The following LRPPRC variants were observed in gnomAD, a reference collection of about 807,000 sequenced individuals.
LRPPRC encodes leucine-rich PPR motif-containing protein, mitochondrial.
A neutral mutation model predicts 180.3 loss-of-function variants in LRPPRC; 120 were observed. The ratio of observed to expected loss-of-function variants is 0.67; its 90% CI spans 0.57 to 0.77. The LOEUF (loss-of-function observed/expected upper bound fraction) is 0.77. Among genes scored for constraint, LRPPRC ranks in the 30% least tolerant of loss-of-function variants. The pLI is 0.00. For synonymous variants in LRPPRC, 723 were observed against 600.0 expected, an observed-to-expected ratio of 1.21 and a Z score of -3.00; for missense variants, 2,012 against 1,657.2, an observed-to-expected ratio of 1.21 and a Z score of -3.72.
intron 2 of LRPPRC, 51 bp from the exon 3 acceptor site, chr2:43,979,999 T>C (rs779985804): frequency 2.9e-5 from 45 of 1,552,854 alleles, no homozygotes; most frequent in Non-Finnish European, 3.6e-5. Context: ...CAATATCACA[T>C]AGATAAATAT....
intron 27 of LRPPRC, among the ~76,000 whole-genome samples, chr2:43,921,018 G>A (rs1255480976): frequency 6.6e-6 from 1 of 152,092 alleles, no homozygotes; most frequent in African/African-American, 2.4e-5. Context: ...GTGGGCAGGT[G>A]CAGTGGCTCG....
intron 36 of LRPPRC, among the ~76,000 whole-genome samples, chr2:43,891,390 A>G (rs1169388130): frequency 6.6e-6 from 1 of 152,160 alleles, no homozygotes; most frequent in Non-Finnish European, 1.5e-5. Flanking sequence ...GTTTATGGTA[A>G]CCCTGCCTTG....
At chr2:43,957,502 A>T (rs1175707775) in intron 13 of LRPPRC, 51 bp from the exon 14 acceptor site, 1 of 1,290,468 alleles carries the variant, frequency 7.7e-7, no homozygotes, top group African/African-American at 1.5e-5. Context: ...AAATTTAAAA[A>T]CCCTGTATTA....
rs181242544 is a variant in LRPPRC, at chr2:43,995,983, C to T, written c.-36G>A. 127 of 1,523,044 alleles carry T rather than the reference C, an allele frequency of 8.3e-5. No individual in the cohort carries two copies. The African/African-American group carries it at 1.5e-3, about 18-fold the overall frequency. The allele number at this position is 1,523,044 out of a possible 1,614,324, so 94.3% of individuals were successfully genotyped here. ...TCCCCGCAGCGGGAAGCACGCTCCGCCAGAAGGACAGGAGGAGCATGTGAC... is the reference window on the plus strand; with the variant it reads ...TCCCCGCAGCGGGAAGCACGCTCCGTCAGAAGGACAGGAGGAGCATGTGAC... On this transcript the variant is annotated 5_prime_UTR_variant, in exon 1 of 38. Coordinates refer to ENST00000260665, the MANE Select transcript of LRPPRC (RefSeq NM_133259.4).
intron 27 of LRPPRC, among the ~76,000 whole-genome samples, chr2:43,921,210 TG>T (rs1472698621): frequency 1.6e-4 from 24 of 152,182 alleles, no homozygotes; most frequent in Non-Finnish European, 3.1e-4. Flanking sequence ...GAGAATCGCT[TG>T]AACTTGGGAG....
At chr2:43,906,868 G>T (rs992352999) in intron 30 of LRPPRC, among the ~76,000 whole-genome samples, 1 of 151,970 alleles carries the variant, frequency 6.6e-6, no homozygotes, top group African/African-American at 2.4e-5. Flanking sequence ...TTATTCCTCC[G>T]ACCAATCCTC....
chr2:43,934,787 C>T lies in LRPPRC; in HGVS notation c.2596G>A (p.Val866Ile), dbSNP rs757314151. The change falls in exon 24 of 38, where the codon GTA becomes ATA. Residue 866 changes from valine to isoleucine, a missense_variant. Physicochemically the swap from Val to Ile is conservative, Grantham distance 29 (BLOSUM62 3). Transcript: ENST00000260665. ...PRIHDVLCKL[V>I]EKGETDLIQK... is the part of the protein sequence containing the mutation. Reference sequence around the variant, plus strand: ...ATTAGATCAGTCTCGCCTTTCTCTACCAGTTTACACAAGACATCATGAATC... The same window carrying T: ...ATTAGATCAGTCTCGCCTTTCTCTATCAGTTTACACAAGACATCATGAATC... 7 of 1,612,268 alleles carry T rather than the reference C, an allele frequency of 4.3e-6. No homozygotes were observed. The highest frequency in any genetic ancestry group is 1.3e-5 in the African/African-American group (1 of 74,898).
Position 43,948,380 on chromosome 2 carries a change from C to A in LRPPRC, c.1842+32G>T, listed in dbSNP as rs755863857. On this transcript the variant is annotated intron_variant, in intron 17 of 37. Coordinates refer to ENST00000260665, the MANE Select transcript of LRPPRC (RefSeq NM_133259.4). ...TCTAATAGATACATGTCAGGCAGGA[C>A]AGGCATTATATAGCAAAAAACGAAA... The A allele has an allele frequency of 4.7e-6, 6 of 1,281,936 alleles. No homozygotes were observed. The South Asian group carries it at 7.1e-5, about 15-fold the overall frequency. The allele number at this position is 1,281,936 out of a possible 1,614,324, so 79.4% of individuals were successfully genotyped here.
intron 14 of LRPPRC, among the ~76,000 whole-genome samples, chr2:43,953,890 G>C (rs1672999815): frequency 6.6e-6 from 1 of 152,056 alleles, no homozygotes; most frequent in African/African-American, 2.4e-5. Flanking sequence ...CTCAATAATG[G>C]CCAGGCCGGT....
intron 32 of LRPPRC, among the ~76,000 whole-genome samples, chr2:43,900,919 C>T (rs774773951): frequency 4.6e-5 from 7 of 152,160 alleles, no homozygotes; most frequent in Admixed American, 6.5e-5. Flanking sequence ...AATATGAATA[C>T]GGAAATGCAC....
In LRPPRC at chr2:43,948,173, GTAGA is replaced by G. The variant is rs752914914; in HGVS notation, c.1865_1868del (p.Ile622ThrfsTer16). On this transcript the variant is annotated frameshift_variant, in exon 18 of 38. Transcript: ENST00000260665. LOFTEE classifies it high-confidence loss of function. Reference sequence around the variant, plus strand: ...TTTCCAGGAGATTACGAATGCCTCTGTAGATATTTTCAGGAATTTTTACATTCTG... The same window carrying G: ...TTTCCAGGAGATTACGAATGCCTCTGTATTTTCAGGAATTTTTACATTCTG... 6 of 1,606,388 alleles carry G rather than the reference GTAGA, an allele frequency of 3.7e-6. No homozygotes were observed. In the South Asian group the frequency reaches 6.6e-5, roughly 18 times the overall value.
intron 5 of LRPPRC, 53 bp downstream of exon 5, chr2:43,976,941 A>G: frequency 7.0e-7 from 1 of 1,438,810 alleles, no homozygotes; most frequent in Non-Finnish European, 9.8e-7. Context: ...CAGACATTAG[A>G]TTTACAAAAT....
At position 43,899,239 on chromosome 2, in the gene LRPPRC, C is replaced by G. The variant is rs1432440553; in HGVS notation, c.3805G>C (p.Asp1269His). 6.2e-7 allele frequency: 1 copy of G among 1,613,802 alleles called. No individual in the cohort carries two copies. The highest frequency in any genetic ancestry group is 1.3e-5 in the African/African-American group (1 of 74,908). The change falls in exon 34 of 38, where the codon GAT becomes CAT. Residue 1269 changes from aspartate to histidine, a missense_variant. Transcript: ENST00000260665. ...ATTACCTGTAGGAGAGCTCTGGCATCATCCACCTTGCCTGCATCCACAAGT... is the reference window on the plus strand; with the variant it reads ...ATTACCTGTAGGAGAGCTCTGGCATGATCCACCTTGCCTGCATCCACAAGT... ...LQLVDAGKVD[D>H]ARALLQRCGA... is the part of the protein sequence containing the mutation.
At chr2:43,949,401 C>G (rs1320576234) in intron 16 of LRPPRC, among the ~76,000 whole-genome samples, 1 of 152,104 alleles carries the variant, frequency 6.6e-6, no homozygotes, top group Admixed American at 6.5e-5. Flanking sequence ...CCTCCCAACC[C>G]TGTCTTTAGA....
rs535017522 is a variant in LRPPRC, at chr2:43,902,586, A to G, written c.3365-1062T>C. The stretch of plus-strand genomic sequence containing the variant: ...TGAATAAAGAATTTATGATTATTTG[A>G]AATCTACAATCTTAAACCACTCATT... On this transcript the variant is annotated intron_variant, in intron 31 of 37. Transcript: ENST00000260665. 5.9e-5 allele frequency: 9 copies of G among 152,326 alleles called. No individual in the cohort carries two copies. In the East Asian group the frequency reaches 1.5e-3, roughly 26 times the overall value. The allele number at this position is 152,326 out of a possible 1,614,324, so 9.4% of individuals were successfully genotyped here.
intron 14 of LRPPRC, among the ~76,000 whole-genome samples, chr2:43,955,450 C>T (rs1051817196): frequency 1.6e-5 from 2 of 128,186 alleles, no homozygotes; most frequent in Non-Finnish European, 3.2e-5. Flanking sequence ...GCCTGGGTGA[C>T]AGAGCAAGAC....
intron 25 of LRPPRC, among the ~76,000 whole-genome samples, chr2:43,929,308 A>G (rs1460748295): frequency 6.6e-6 from 1 of 152,182 alleles, no homozygotes; most frequent in Non-Finnish European, 1.5e-5. Context: ...ACTGTAGGGA[A>G]TTTTATGTAC....
At chr2:43,915,843 A>G (rs1304642394) in intron 29 of LRPPRC, among the ~76,000 whole-genome samples, 2 of 152,302 alleles carry the variant, frequency 1.3e-5, no homozygotes, top group East Asian at 1.9e-4. Flanking sequence ...TCATGGCTCA[A>G]TGCAGCTTCA....
At chr2:43,936,277 A>G (rs1375323944) in intron 23 of LRPPRC, among the ~76,000 whole-genome samples, 1 of 152,200 alleles carries the variant, frequency 6.6e-6, no homozygotes, top group East Asian at 1.9e-4. Context: ...TCAGTTCAGT[A>G]CATCTAATTA....
Sources: allele counts gnomAD v4.1 joint callset (sites outside exome capture counted in the v4.1 genomes callset), GRCh38; gene constraint gnomAD v4.1.1; transcripts MANE v1.5; gene names NCBI Gene and HGNC (gene_info 2026-07-23, HGNC 2026-07-21).